Variants in SLC35G1 observed in about 807,000 individuals in gnomAD.
SLC35G1 encodes the protein solute carrier family 35 member G1.
A neutral mutation model predicts 17.1 loss-of-function variants in SLC35G1; 10 were observed. The ratio of observed to expected loss-of-function variants is 0.59; its 90% confidence interval spans 0.36 to 0.99. SLC35G1 has a LOEUF of 0.99. SLC35G1 is among the 50% of genes least tolerant of loss of function. SLC35G1 has a pLI of 0.01. For missense variants in SLC35G1, 433 were observed against 468.4 expected, an observed-to-expected ratio of 0.92 and a Z score of 0.70; for synonymous variants, 185 against 181.1, an observed-to-expected ratio of 1.02 and a Z score of -0.18.
chr10:93,909,560 T>G (rs1415187916), exon 3 of SLC35G1: 1 of 152,134 alleles, frequency 6.6e-6, no homozygotes, highest in Non-Finnish European at 1.5e-5. Context: ...ATCCTGGGCT[T>G]TATGTACCTC....
chr10:93,909,092 C>T (rs1389410006), exon 3 of SLC35G1: 1 of 152,228 alleles, frequency 6.6e-6, no homozygotes, highest in Non-Finnish European at 1.5e-5. Context: ...GGCATAGCTA[C>T]CATCACAGCT....
chr10:93,897,181 T>C (rs1417986963), intron 1 of SLC35G1, among the ~76,000 whole-genome samples: 3 of 152,164 alleles, frequency 2.0e-5, no homozygotes, highest in African/African-American at 4.8e-5. Context: ...GCTGTGCACC[T>C]AGAACAGGAA....
downstream of SLC35G1, among the ~76,000 whole-genome samples, chr10:93,905,294 A>C (rs1430518053): frequency 2.6e-5 from 4 of 152,058 alleles, no homozygotes; most frequent in Non-Finnish European, 5.9e-5. Flanking sequence ...GTGTGTATGG[A>C]TCCATGGTCA....
Position 93,901,997 on chromosome 10 carries a change from A to G in SLC35G1, c.*507A>G, listed in dbSNP as rs1282490663. On this transcript the variant is annotated 3_prime_UTR_variant, in exon 3 of 3. Transcript: ENST00000427197. ...TTGCAACCTTATTCTATTTAGGAGG[A>G]TGAAGTTGAAGCTTAGAATAGGTGC... 6.6e-6 allele frequency: 1 copy of G among 152,650 alleles called. No homozygotes were observed. The highest frequency in any genetic ancestry group is 1.5e-5 in the Non-Finnish European group (1 of 68,094). 9.5% of individuals were successfully genotyped at this position (152,650 alleles called of 1,614,324 possible).
chr10:93,898,399 A>G (rs1265910003), intron 1 of SLC35G1, among the ~76,000 whole-genome samples, 172 bp from the exon 2 acceptor site: 2 of 152,204 alleles, frequency 1.3e-5, no homozygotes, highest in African/African-American at 2.4e-5. Context: ...ATCCTCATCT[A>G]TGGTTCTTCA....
At position 93,901,365 on chromosome 10, in the gene SLC35G1, G is replaced by C; in HGVS notation, c.973G>C (p.Ala325Pro). The C allele has an allele frequency of 6.2e-7, 1 of 1,614,010 alleles. No homozygotes were observed. Among genetic ancestry groups the C allele is most frequent in the Non-Finnish European group, 8.5e-7 (1 of 1,179,932 alleles). The change falls in exon 3 of 3, where the codon GCT becomes CCT. Residue 325 changes from alanine (A) to proline (P), a missense_variant. Physicochemically the swap from Ala to Pro is conservative, Grantham distance 27 (BLOSUM62 -1). Coordinates refer to ENST00000427197, the MANE Select transcript of SLC35G1 (RefSeq NM_001134658.3). The part of the protein sequence containing the change: ...AIMKTMDVVF[A>P]FIFQIIFFNN... The stretch of plus-strand genomic sequence containing the variant: ...AATGAAGACAATGGATGTGGTCTTT[G>C]CTTTTATCTTTCAGATTATTTTCTT...
At chr10:93,900,201 A>G (rs146091982) in intron 2 of SLC35G1, among the ~76,000 whole-genome samples, 1,729 of 152,318 alleles carry the variant, frequency 0.011, 29 homozygotes, top group African/African-American at 0.04. Flanking sequence ...CTCATATTCA[A>G]TGACTAAAAT....
chr10:93,900,045 C>T (rs1339611566), intron 2 of SLC35G1, among the ~76,000 whole-genome samples: 1 of 152,106 alleles, frequency 6.6e-6, no homozygotes, highest in Admixed American at 6.6e-5. Flanking sequence ...GCAAGTTGCA[C>T]CTAGCCAGGA....
chr10:93,894,244 C>T (rs368488811), intron 1 of SLC35G1, 33 bp downstream of exon 1: 144 of 1,309,176 alleles, frequency 1.1e-4, no homozygotes, highest in Middle Eastern at 5.1e-4. Context: ...GCTCTGGTCT[C>T]GCTCGGGGGT....
chr10:93,898,614 C>T lies in SLC35G1; in HGVS notation c.222C>T (p.Tyr74=). ...CCTGTCCTGGACTTGGCTTGTTTTACACATTATTGTCTGCCTTCCTTTTCT... is the reference window on the plus strand; with the variant it reads ...CCTGTCCTGGACTTGGCTTGTTTTATACATTATTGTCTGCCTTCCTTTTCT... The part of the protein sequence containing the change: ...KAPCPGLGLF[Y]TLLSAFLFSV... The change falls in exon 2 of 3, where the codon TAC becomes TAT. Residue 74 remains tyrosine (Y), a synonymous_variant. Transcript: ENST00000427197. The T allele has an allele frequency of 1.2e-6, 2 of 1,612,616 alleles. No individual in the cohort carries two copies. The highest frequency in any genetic ancestry group is 1.1e-5 in the South Asian group (1 of 90,958).
In SLC35G1 at chr10:93,894,066, G is replaced by A. The variant is rs1472653664; in HGVS notation, c.33G>A (p.Glu11=). Residue 11 remains glutamate, a synonymous_variant, in exon 1 of 3, where the codon GAG becomes GAA. Transcript: ENST00000427197. ...CTCAGGACAGCACCGGGGTCGCGGA[G>A]CTCCAGGAGCCCGGGCTGCCGCTAA... The part of the protein sequence containing the change: MRPQDSTGVA[E]LQEPGLPLTD... The A allele has an allele frequency of 1.3e-6, 2 of 1,482,426 alleles. No homozygotes were observed. The highest frequency in any genetic ancestry group is 1.5e-5 in the African/African-American group (1 of 68,312). The allele number at this position is 1,482,426 out of a possible 1,614,324, so 91.8% of individuals were successfully genotyped here.
chr10:93,897,620 A>G (rs111640697), intron 1 of SLC35G1, among the ~76,000 whole-genome samples: 2,935 of 152,332 alleles, frequency 0.019, 41 homozygotes, highest in Middle Eastern at 0.15. Context: ...TGAATGACAG[A>G]GGAGTAAGAC....
At position 93,902,789 on chromosome 10, in the gene SLC35G1, A is replaced by G. The variant is rs532656703; in HGVS notation, c.*1299A>G. 190 of 152,772 alleles carry G rather than the reference A, an allele frequency of 1.2e-3. No individual in the cohort carries two copies. The highest frequency in any genetic ancestry group is 2.2e-3 in the Non-Finnish European group (152 of 68,032). The allele number at this position is 152,772 out of a possible 1,614,324, so 9.5% of individuals were successfully genotyped here. ...CCATACCATGATGCAGCACCATGAC[A>G]CTAACGCCATGAATTCAAACAGCAC... On this transcript the variant is annotated 3_prime_UTR_variant, in exon 3 of 3. Coordinates refer to ENST00000427197, the MANE Select transcript of SLC35G1 (RefSeq NM_001134658.3).
At chr10:93,907,795 C>CAAAATAAAATAAAATAAAATAAAAT (rs72348488), downstream of SLC35G1, 11 of 150,074 alleles carry the variant, frequency 7.3e-5, no homozygotes, top group African/African-American at 2.7e-4. Flanking sequence ...ATAACTTAGT[C>CAAAATAAAATAAAATAAAATAAAAT]AAAATAAAAT....
chr10:93,903,888 A>G (rs1253313835), downstream of SLC35G1: 1 of 152,196 alleles, frequency 6.6e-6, no homozygotes, highest in Non-Finnish European at 1.5e-5. Flanking sequence ...TATGCTTCAA[A>G]ATATATTTTC....
At chr10:93,897,952 T>C (rs1219493637) in intron 1 of SLC35G1, among the ~76,000 whole-genome samples, 1 of 152,214 alleles carries the variant, frequency 6.6e-6, no homozygotes, top group Non-Finnish European at 1.5e-5. Context: ...CTTCCCAGAT[T>C]ATGCTGTTGC....
rs868028099 is a variant in SLC35G1 at position 93,893,993 on chromosome 10, C to T, written c.-41C>T. The T allele has an allele frequency of 8.2e-6, 11 of 1,337,210 alleles. No homozygotes were observed. The African/African-American group carries it at 1.2e-4, about 15-fold the overall frequency. 82.8% of individuals were successfully genotyped at this position (1,337,210 alleles called of 1,614,324 possible). A position where few individuals can be genotyped will look rare whatever the true frequency, so the allele number is the denominator to read the frequency against. The stretch of plus-strand genomic sequence containing the variant: ...GCGGCAGCCCAGGCGCTGCTGCTGG[C>T]GCCAGACGGCACCGGCCGCTGGTAG... On this transcript the variant is annotated 5_prime_UTR_variant, in exon 1 of 3. Coordinates refer to ENST00000427197, the MANE Select transcript of SLC35G1 (RefSeq NM_001134658.3).
rs933257079 is a variant in SLC35G1 at position 93,898,631 on chromosome 10, T to G, written c.239T>G (p.Phe80Cys). 6.2e-6 allele frequency: 10 copies of G among 1,613,726 alleles called. No homozygotes were observed. The highest frequency in any genetic ancestry group is 1.1e-5 in the South Asian group (1 of 91,028). Residue 80 changes from phenylalanine to cysteine, a missense_variant, in exon 2 of 3, where the codon TTC becomes TGC. Physicochemically the swap from Phe to Cys is radical, Grantham distance 205. Transcript: ENST00000427197. ...TTGTTTTACACATTATTGTCTGCCT[T>G]CCTTTTCTCAGTGGGCTCTTTATTT... Reference protein sequence around the residue: ...LGLFYTLLSAFLFSVGSLFVK... With the variant: ...LGLFYTLLSACLFSVGSLFVK...
Position 93,901,528 on chromosome 10 carries a change from C to G in SLC35G1, c.*38C>G. ...GAAATACATATTTTTTTCAAGTACACCATCACCTAATTCACATACAGCATA... is the reference window on the plus strand; with the variant it reads ...GAAATACATATTTTTTTCAAGTACAGCATCACCTAATTCACATACAGCATA... On this transcript the variant is annotated 3_prime_UTR_variant, in exon 3 of 3. Coordinates refer to ENST00000427197, the MANE Select transcript of SLC35G1 (RefSeq NM_001134658.3). 6.5e-7 allele frequency: 1 copy of G among 1,543,258 alleles called. No homozygotes were observed. Among genetic ancestry groups the G allele is most frequent in the South Asian group, 1.3e-5 (1 of 77,146 alleles).
Sources: allele counts gnomAD v4.1 joint callset (sites outside exome capture counted in the v4.1 genomes callset), GRCh38; gene constraint gnomAD v4.1.1; transcripts MANE v1.5; gene names NCBI Gene and HGNC (gene_info 2026-07-23, HGNC 2026-07-21).